SEMA3A: variants seen among roughly 807,000 people sequenced by gnomAD.
The protein encoded by SEMA3A is semaphorin-3A.
Under a neutral mutation model 97.9 loss-of-function variants are expected in SEMA3A, and 29 were observed. The observed-to-expected ratio is 0.30, with a 90% CI of 0.22 to 0.40. The LOEUF (loss-of-function observed/expected upper bound fraction) is 0.40. SEMA3A is among the 10% of genes least tolerant of loss of function. The pLI is 1.00. For missense variants in SEMA3A, 763 were observed against 951.3 expected, an observed-to-expected ratio of 0.80 and a Z score of 2.60; for synonymous variants, 321 against 323.7, an observed-to-expected ratio of 0.99 and a Z score of 0.09.
At chr7:84,385,064 AACACACACAC>A (rs58600722) in intron 1 of SEMA3A, among the ~76,000 whole-genome samples, 14,266 of 147,378 alleles carry the variant, frequency 0.097, 1,163 homozygotes, top group African/African-American at 0.21. Flanking sequence ...ACATCCACAA[AACACACACAC>A]ACACACACAC....
chr7:84,084,094 T>G (rs970402194), intron 4 of SEMA3A, among the ~76,000 whole-genome samples: 26 of 152,092 alleles, frequency 1.7e-4, no homozygotes, highest in African/African-American at 6.3e-4. Context: ...AAAGCACTAA[T>G]CATTTCAATG....
rs1793273268 is a variant in SEMA3A at position 84,062,556 on chromosome 7, G to C, written c.454-1998C>G. Reference sequence around the variant, plus strand: ...CGAGACAGTGGGCATAGGTCAGTGGGTGCGCGCACCACGCGCGAGCCGAAG... The same window carrying C: ...CGAGACAGTGGGCATAGGTCAGTGGCTGCGCGCACCACGCGCGAGCCGAAG... On this transcript the variant is annotated intron_variant, in intron 4 of 16. Coordinates refer to ENST00000265362, the MANE Select transcript of SEMA3A (RefSeq NM_006080.3). 3.9e-5 allele frequency among the ~76,000 whole-genome samples: 6 copies of C among 152,188 alleles called. No individual in the cohort carries two copies. In the South Asian group the frequency reaches 1.2e-3, roughly 32 times the overall value.
At chr7:84,305,333 T>C (rs1415304936) in intron 3 of SEMA3A, among the ~76,000 whole-genome samples, 1 of 151,904 alleles carries the variant, frequency 6.6e-6, no homozygotes, top group African/African-American at 2.4e-5. Context: ...TTGATATTTA[T>C]GTATCCTAGC....
chr7:84,037,739 T>C (rs951663102), intron 6 of SEMA3A, among the ~76,000 whole-genome samples: 2 of 152,064 alleles, frequency 1.3e-5, no homozygotes, highest in African/African-American at 4.8e-5. Flanking sequence ...ATTTTAAAAG[T>C]ATAACTCTAT....
chr7:84,315,316 G>A (rs530020524), intron 2 of SEMA3A, among the ~76,000 whole-genome samples: 1 of 151,918 alleles, frequency 6.6e-6, no homozygotes, highest in Non-Finnish European at 1.5e-5. Flanking sequence ...TACAACTGCA[G>A]GCACAAACCC....
intron 5 of SEMA3A, among the ~76,000 whole-genome samples, chr7:84,052,578 T>A (rs1264076865): frequency 6.6e-6 from 1 of 152,126 alleles, no homozygotes; most frequent in Non-Finnish European, 1.5e-5. Flanking sequence ...CATTTTTTAT[T>A]GTGTCTATTT....
At chr7:84,092,006 C>G (rs1456884350) in intron 4 of SEMA3A, among the ~76,000 whole-genome samples, 1 of 151,954 alleles carries the variant, frequency 6.6e-6, no homozygotes, top group African/African-American at 2.4e-5. Flanking sequence ...GGCAGAGTAC[C>G]CTAAGAATAC....
chr7:84,157,906 C>A (rs79443497), intron 1 of SEMA3A, among the ~76,000 whole-genome samples: 2 of 152,124 alleles, frequency 1.3e-5, no homozygotes, highest in African/African-American at 4.8e-5. Flanking sequence ...GCGCAAACTT[C>A]GTACCATGTT....
Position 84,063,400 on chromosome 7 carries a change from C to T in SEMA3A, c.454-2842G>A, listed in dbSNP as rs554561158. 3.4e-3 allele frequency among the ~76,000 whole-genome samples: 516 copies of T among 151,154 alleles called. 2 individuals carry two copies. The highest frequency in any genetic ancestry group is 0.012 in the African/African-American group (487 of 41,076). On this transcript the variant is annotated intron_variant, in intron 4 of 16. Transcript: ENST00000265362. ...AAGGAACGCAGTTCCTCACCAGCAA[C>T]GGAACAAAGCTGGATGGAGAATGAC...
chr7:84,401,096 C>T (rs927770202), intron 1 of SEMA3A, among the ~76,000 whole-genome samples: 3 of 152,146 alleles, frequency 2.0e-5, no homozygotes, highest in Admixed American at 1.3e-4. Flanking sequence ...TTGCAGATGA[C>T]ATTATCTTAT....
At chr7:84,299,757 A>C (rs911733703) in intron 3 of SEMA3A, among the ~76,000 whole-genome samples, 2 of 74,990 alleles carry the variant, frequency 2.7e-5, no homozygotes, top group Admixed American at 2.9e-4. Flanking sequence ...CAGTAAGAAA[A>C]TACATTTAAT....
At chr7:84,062,838 G>GT (rs1424196826) in intron 4 of SEMA3A, among the ~76,000 whole-genome samples, 1 of 141,096 alleles carries the variant, frequency 7.1e-6, no homozygotes, top group African/African-American at 2.8e-5. Flanking sequence ...CAGCGAGGCG[G>GT]GGGGAGGGGC....
chr7:84,240,240 A>G (rs1311447554), intron 3 of SEMA3A, among the ~76,000 whole-genome samples: 13 of 152,190 alleles, frequency 8.5e-5, no homozygotes, highest in Admixed American at 8.5e-4. Flanking sequence ...TTTTAAAAAA[A>G]GATTTTAGTA....
chr7:84,343,564 G>A (rs997638388), intron 2 of SEMA3A, among the ~76,000 whole-genome samples: 1 of 152,154 alleles, frequency 6.6e-6, no homozygotes, highest in Non-Finnish European at 1.5e-5. Context: ...TCTGCCAAAT[G>A]CTGACTCTCT....
chr7:84,403,023 T>A (rs562597922), intron 1 of SEMA3A, among the ~76,000 whole-genome samples: 9 of 152,194 alleles, frequency 5.9e-5, no homozygotes, highest in African/African-American at 1.4e-4. Context: ...TGGGTTCATC[T>A]CACTGGGGAG....
rs35685378 is a variant in SEMA3A, at chr7:83,960,824, G to GT, written c.*546dup. 46,350 of 143,042 alleles carry GT rather than the reference G, an allele frequency of 0.32. 7,724 individuals are homozygous for GT. The highest frequency in any genetic ancestry group is 0.53 in the East Asian group (2,548 of 4,828). 8.9% of individuals were successfully genotyped at this position (143,042 alleles called of 1,614,324 possible). On this transcript the variant is annotated 3_prime_UTR_variant, in exon 17 of 17. Coordinates refer to ENST00000265362, the MANE Select transcript of SEMA3A (RefSeq NM_006080.3). The stretch of plus-strand genomic sequence containing the variant: ...TTCTTCTGGATGATGGATGGCTTAT[G>GT]TTTTTTTTTTTTTTTAATATTTCCA...
chr7:84,415,009 A>C (rs1804393248), intron 1 of SEMA3A, among the ~76,000 whole-genome samples: 1 of 152,090 alleles, frequency 6.6e-6, no homozygotes, highest in South Asian at 2.1e-4. Context: ...ACATCACTTA[A>C]TAAGGGAACC....
At chr7:84,147,357 T>C (rs1021399932) in intron 1 of SEMA3A, among the ~76,000 whole-genome samples, 2 of 152,178 alleles carry the variant, frequency 1.3e-5, no homozygotes, top group African/African-American at 4.8e-5. Context: ...ATCACTTCCA[T>C]CCCAAGATAC....
chr7:84,362,664 C>T (rs1802755605), intron 2 of SEMA3A, among the ~76,000 whole-genome samples: 1 of 151,996 alleles, frequency 6.6e-6, no homozygotes, highest in Non-Finnish European at 1.5e-5. Context: ...AGTAGAATAA[C>T]TATTGTTAAC....
Sources: allele counts gnomAD v4.1 joint callset (sites outside exome capture counted in the v4.1 genomes callset), GRCh38; gene constraint gnomAD v4.1.1; transcripts MANE v1.5; gene names NCBI Gene and HGNC (gene_info 2026-07-23, HGNC 2026-07-21).